The following ZNF568 variants were observed in gnomAD, a reference collection of about 807,000 sequenced individuals.
ZNF568 encodes zinc finger protein 568, also known as p53 inhibitor of SCO2 activation.
A neutral mutation model predicts 18.1 loss-of-function variants in ZNF568; 11 were observed. That is an observed-to-expected ratio of 0.61 (90% CI 0.38 to 1.00). The LOEUF (loss-of-function observed/expected upper bound fraction) is 1.00, where lower values mean the gene tolerates loss of function less well. ZNF568 is among the 50% of genes least tolerant of loss of function. The pLI is 0.01. For missense variants in ZNF568, 639 were observed against 768.2 expected, an observed-to-expected ratio of 0.83 and a Z score of 1.99; for synonymous variants, 213 against 246.6, an observed-to-expected ratio of 0.86 and a Z score of 1.28.
At chr19:36,968,667 A>G (rs2074212995) in intron 6 of ZNF568, among the ~76,000 whole-genome samples, 1 of 151,578 alleles carries the variant, frequency 6.6e-6, no homozygotes, top group African/African-American at 2.4e-5. Context: ...AATAACTACA[A>G]TGGAGACATG....
intron 3 of ZNF568, 25 bp downstream of exon 3, chr19:36,922,871 A>T (rs1418450874): frequency 6.2e-7 from 1 of 1,607,852 alleles, no homozygotes; most frequent in Non-Finnish European, 8.5e-7. Flanking sequence ...AGGTGGACAG[A>T]GCTTAGGAGA....
chr19:36,947,192 T>C (rs1317734961), intron 6 of ZNF568, among the ~76,000 whole-genome samples: 1 of 151,896 alleles, frequency 6.6e-6, no homozygotes, highest in African/African-American at 2.4e-5. Flanking sequence ...ATTTTTGTAT[T>C]TTTAGTAGAG....
chr19:36,990,421 C>G (rs1211158983), intron 2 of ZNF568, among the ~76,000 whole-genome samples: 1 of 152,166 alleles, frequency 6.6e-6, no homozygotes, highest in African/African-American at 2.4e-5. Flanking sequence ...TCAAGACCAG[C>G]CTGGCCATCA....
At chr19:36,924,287 C>T (rs750806639) in intron 3 of ZNF568, among the ~76,000 whole-genome samples, 4 of 151,376 alleles carry the variant, frequency 2.6e-5, no homozygotes, top group Admixed American at 2.0e-4. Flanking sequence ...GGTGTGATCT[C>T]GGCTCACTGC....
chr19:36,921,515 G>A (rs1010515456), intron 2 of ZNF568, among the ~76,000 whole-genome samples: 1 of 151,890 alleles, frequency 6.6e-6, no homozygotes, highest in African/African-American at 2.4e-5. Flanking sequence ...GAGTGTGTGA[G>A]GGGTATTAGG....
intron 2 of ZNF568, among the ~76,000 whole-genome samples, chr19:36,921,653 A>C (rs532280869): frequency 1.8e-4 from 27 of 152,242 alleles, no homozygotes; most frequent in South Asian, 1.2e-3. Context: ...CCCTTTACCT[A>C]ATAAAGACTC....
intron 7 of ZNF568, among the ~76,000 whole-genome samples, chr19:36,975,269 T>TTG (rs2074273344): frequency 6.6e-6 from 1 of 151,168 alleles, no homozygotes. Context: ...TGCCTCAGCC[T>TTG]CCTGAGTAGC....
intron 6 of ZNF568, among the ~76,000 whole-genome samples, chr19:36,962,213 ATG>A (rs1180201902): frequency 7.7e-5 from 5 of 64,886 alleles, no homozygotes; most frequent in African/African-American, 1.8e-4. Context: ...TTTCTTCTTT[ATG>A]TGTTTGCTTT....
intron 2 of ZNF568, among the ~76,000 whole-genome samples, chr19:36,922,012 A>G (rs563786): frequency 0.41 from 62,045 of 152,100 alleles, 13,111 homozygotes; most frequent in Non-Finnish European, 0.44. Flanking sequence ...TCCAGAGTGT[A>G]TGAATTACAA....
downstream of ZNF568, among the ~76,000 whole-genome samples, chr19:36,954,883 C>A (rs137919275): frequency 5.3e-5 from 8 of 151,656 alleles, no homozygotes; most frequent in African/African-American, 1.4e-4. Context: ...GCCTGTAAAC[C>A]TTTTTCTTTT....
At chr19:36,929,272 C>T (rs1051500783) in intron 4 of ZNF568, among the ~76,000 whole-genome samples, 2 of 152,142 alleles carry the variant, frequency 1.3e-5, no homozygotes, top group African/African-American at 4.8e-5. Context: ...GGCATGGTGG[C>T]TCACACCTGT....
intron 7 of ZNF568, chr19:36,974,567 C>G: frequency 8.0e-7 from 1 of 1,249,994 alleles, no homozygotes; most frequent in South Asian, 1.3e-5. Context: ...ATGATTTGGA[C>G]AAAGGGGAAG....
rs1035515120 is a variant in ZNF568 at position 36,920,044 on chromosome 19, G to A, written c.-186+2396G>A. Among the ~76,000 whole-genome samples, 35 of 152,170 alleles carry A rather than the reference G, an allele frequency of 2.3e-4. No homozygotes were observed. In the Middle Eastern group the frequency reaches 0.014, roughly 59 times the overall value. ...CCTTCAGGAGGTATTCCAGAAGAAG[G>A]CATTGTTATCATAGAATGTGATAGC... On this transcript the variant is annotated intron_variant, in intron 2 of 6. Coordinates refer to ENST00000333987, the MANE Select transcript of ZNF568 (RefSeq NM_198539.4).
At chr19:36,940,989 C>T (rs1384527381) in intron 6 of ZNF568, among the ~76,000 whole-genome samples, 1 of 152,094 alleles carries the variant, frequency 6.6e-6, no homozygotes, top group East Asian at 1.9e-4. Flanking sequence ...TCAGAAAGTT[C>T]TGAATTTTGC....
At chr19:36,935,437 G>A (rs2073773471) in intron 4 of ZNF568, among the ~76,000 whole-genome samples, 1 of 151,840 alleles carries the variant, frequency 6.6e-6, no homozygotes, top group Non-Finnish European at 1.5e-5. Flanking sequence ...GCAGGCGCCT[G>A]TAATCCCAGC....
chr19:36,987,820 C>CTGTGTGTGTGTGTGTGTG (rs2074388783), intron 2 of ZNF568, among the ~76,000 whole-genome samples: 2 of 55,776 alleles, frequency 3.6e-5, no homozygotes, highest in Non-Finnish European at 7.3e-5. Context: ...AAAACACAGA[C>CTGTGTGTGTGTGTGTGTG]TCTGTGTGTG....
At chr19:36,921,006 G>A (rs756063412) in intron 2 of ZNF568, among the ~76,000 whole-genome samples, 2 of 152,144 alleles carry the variant, frequency 1.3e-5, no homozygotes, top group Non-Finnish European at 2.9e-5. Flanking sequence ...GGAGCAATAG[G>A]CTATACCATA....
At chr19:36,983,893 C>CCTTT (rs757013833), downstream of ZNF568, among the ~76,000 whole-genome samples, 1 of 108,570 alleles carries the variant, frequency 9.2e-6, no homozygotes, top group Non-Finnish European at 1.7e-5. Context: ...CAACTTTGTC[C>CCTTT]TTTTTTTTTT....
intron 4 of ZNF568, among the ~76,000 whole-genome samples, chr19:36,933,925 T>G (rs1382522397): frequency 3.7e-5 from 2 of 54,260 alleles, no homozygotes; most frequent in East Asian, 3.0e-4. Context: ...TGTTTTTTTG[T>G]TTTTTTTTTT....
Sources: gnomAD v4.1 joint callset for allele counts (sites outside exome capture counted in the v4.1 genomes callset) on GRCh38, gnomAD v4.1.1 for gene constraint, MANE v1.5 for transcripts, NCBI Gene and HGNC (gene_info 2026-07-23, HGNC 2026-07-21) for gene names.